Variants in ATP10A observed in about 807,000 individuals in gnomAD.
ATP10A encodes ATPase phospholipid transporting 10A (putative).
ATP10A carries 111 observed loss-of-function variants against 147.8 expected under a neutral mutation model. The ratio of observed to expected loss-of-function variants is 0.75; its 90% CI spans 0.64 to 0.88. The LOEUF (loss-of-function observed/expected upper bound fraction) is 0.88, where lower values mean the gene tolerates loss of function less well. Among genes scored for constraint, ATP10A ranks in the 40% least tolerant of loss-of-function variants. The probability of loss-of-function intolerance (pLI) is 0.00; values close to 1 mark genes in which losing one functional copy is unlikely to be tolerated. For synonymous variants in ATP10A, 875 were observed against 841.6 expected (o/e 1.04, Z -0.69); for missense variants, 1,927 against 1,959.0 (o/e 0.98, Z 0.31).
chr15:25,852,009 A>C (rs541191231), intron 1 of ATP10A, among the ~76,000 whole-genome samples: 1 of 152,342 alleles, frequency 6.6e-6, no homozygotes, highest in East Asian at 1.9e-4. Flanking sequence ...ATGAGTTGCA[A>C]CTAAACTTTT....
intron 1 of ATP10A, chr15:25,841,789 T>G (rs748183481): frequency 6.6e-6 from 1 of 152,256 alleles, no homozygotes; most frequent in Non-Finnish European, 1.5e-5. Flanking sequence ...GAAACTTATA[T>G]GTAAGTATTT....
intron 16 of ATP10A, among the ~76,000 whole-genome samples, chr15:25,686,204 G>A (rs1385225874): frequency 6.6e-6 from 1 of 152,176 alleles, no homozygotes. Flanking sequence ...TGAAGGGGGT[G>A]AGTGTGAAGG....
intron 2 of ATP10A, among the ~76,000 whole-genome samples, chr15:25,779,822 C>T (rs1889808382): frequency 6.7e-6 from 1 of 149,944 alleles, no homozygotes; most frequent in Non-Finnish European, 1.5e-5. Context: ...CACAAAAATA[C>T]ACTTGGCATA....
Position 25,746,250 on chromosome 15 carries a change from C to G in ATP10A, c.655-10109G>C, listed in dbSNP as rs1887839370. ...GATAATATAGTATTAAATCAAAAAG[C>G]ATGTCTCTATATAAAAAGCATTAAT... is the stretch of plus-strand genomic sequence containing the variant. On this transcript the variant is annotated intron_variant, in intron 2 of 20. Coordinates refer to ENST00000555815, the MANE Select transcript of ATP10A (RefSeq NM_024490.4). Among the ~76,000 whole-genome samples, 3 of 152,024 alleles carry G rather than the reference C, an allele frequency of 2.0e-5. No homozygotes were observed. In the South Asian group the frequency reaches 6.2e-4, roughly 32 times the overall value.
upstream of ATP10A, chr15:25,863,332 G>A: frequency 6.0e-6 from 1 of 165,774 alleles, no homozygotes; most frequent in Non-Finnish European, 1.3e-5. Flanking sequence ...CAAGCTGGGC[G>A]GGTGCCGCAC....
intron 12 of ATP10A, among the ~76,000 whole-genome samples, chr15:25,702,637 A>G (rs894975085): frequency 1.3e-5 from 2 of 152,204 alleles, no homozygotes; most frequent in Non-Finnish European, 2.9e-5. Flanking sequence ...AGATTATCCT[A>G]AATATGCTTT....
At chr15:25,783,483 C>CCG (rs1016816738) in intron 1 of ATP10A, among the ~76,000 whole-genome samples, 5 of 147,118 alleles carry the variant, frequency 3.4e-5, no homozygotes, top group Admixed American at 6.8e-5. Context: ...AGGGACCCCC[C>CCG]CCTGGCAAAG....
intron 2 of ATP10A, among the ~76,000 whole-genome samples, chr15:25,768,540 CTTTTTT>C (rs59228132): frequency 7.6e-6 from 1 of 132,218 alleles, no homozygotes; most frequent in African/African-American, 2.8e-5. Context: ...CTCTCTCTCT[CTTTTTT>C]TTTTTTTTTT....
chr15:25,765,490 C>T (rs1888971069), intron 2 of ATP10A, among the ~76,000 whole-genome samples: 2 of 152,130 alleles, frequency 1.3e-5, no homozygotes, highest in Non-Finnish European at 2.9e-5. Context: ...AGAATTCTGC[C>T]CGTGTAGAGC....
At chr15:25,725,111 G>T (rs1251332674) in intron 5 of ATP10A, among the ~76,000 whole-genome samples, 2 of 152,160 alleles carry the variant, frequency 1.3e-5, no homozygotes, top group African/African-American at 4.8e-5. Flanking sequence ...TCTCCCGTCA[G>T]ATCAGCGGCA....
chr15:25,826,856 GAT>G (rs1037937668), intron 1 of ATP10A, among the ~76,000 whole-genome samples: 17 of 152,096 alleles, frequency 1.1e-4, no homozygotes, highest in African/African-American at 4.1e-4. Context: ...TCCCAAACTT[GAT>G]GAAAATCATC....
rs533485535 is a variant in ATP10A, at chr15:25,680,285, A to G, written c.3702T>C (p.Cys1234=). 2.5e-6 allele frequency: 4 copies of G among 1,614,226 alleles called. No individual in the cohort carries two copies. The highest frequency in any genetic ancestry group is 3.3e-5 in the Admixed American group (2 of 60,024). ...TGAAAAACAAAAGGACACTGAAGCC[A>G]CACGTTATCCAGTTGAGCCAGGTCT... ...KTWTWLNWIT[C]GFSVLLFFTV... is the part of the protein sequence containing the mutation. The change falls in exon 20 of 21, where the codon TGT becomes TGC. Residue 1234 remains cysteine (C), a synonymous_variant. Transcript: ENST00000555815.
At chr15:25,693,793 C>A (rs1900163492) in intron 14 of ATP10A, among the ~76,000 whole-genome samples, 1 of 152,206 alleles carries the variant, frequency 6.6e-6, no homozygotes, top group South Asian at 2.1e-4. Flanking sequence ...CGACCGTGTT[C>A]AGGCCAGTGC....
chr15:25,719,279 C>A (rs929281842), intron 7 of ATP10A, among the ~76,000 whole-genome samples: 8 of 152,164 alleles, frequency 5.3e-5, no homozygotes, highest in African/African-American at 1.9e-4. Flanking sequence ...TGGACCACTG[C>A]GCATCTCTTA....
intron 1 of ATP10A, among the ~76,000 whole-genome samples, chr15:25,815,860 GTGTTT>G (rs1183043283): frequency 6.6e-6 from 1 of 152,012 alleles, no homozygotes; most frequent in Non-Finnish European, 1.5e-5. Context: ...GAGTATCTTT[GTGTTT>G]TAATTGACTT....
At chr15:25,717,548 G>A (rs540948213) in intron 8 of ATP10A, among the ~76,000 whole-genome samples, 1 of 152,280 alleles carries the variant, frequency 6.6e-6, no homozygotes, top group Non-Finnish European at 1.5e-5. Flanking sequence ...ACTCCCAGGG[G>A]CCCTGTAGAA....
intron 3 of ATP10A, among the ~76,000 whole-genome samples, chr15:25,730,930 C>T (rs529167108): frequency 5.9e-4 from 90 of 152,210 alleles, no homozygotes; most frequent in Non-Finnish European, 1.0e-3. Context: ...TAAAACATTC[C>T]AGTTTTAATG....
chr15:25,684,823 C>T (rs1257961685), intron 16 of ATP10A, among the ~76,000 whole-genome samples: 7 of 152,168 alleles, frequency 4.6e-5, no homozygotes, highest in Admixed American at 1.3e-4. Flanking sequence ...GCTTCTTGAC[C>T]TGAAAGTGAC....
intron 1 of ATP10A, among the ~76,000 whole-genome samples, chr15:25,820,753 C>T (rs1037867009): frequency 2.0e-5 from 3 of 152,186 alleles, no homozygotes; most frequent in African/African-American, 7.2e-5. Context: ...GGAAAAACAA[C>T]ACCTGTACCC....
Sources: gnomAD v4.1 joint callset for allele counts (sites outside exome capture counted in the v4.1 genomes callset) on GRCh38, gnomAD v4.1.1 for gene constraint, MANE v1.5 for transcripts, NCBI Gene and HGNC (gene_info 2026-07-23, HGNC 2026-07-21) for gene names.